The following CADPS variants were observed in gnomAD, a reference collection of about 807,000 sequenced individuals.
The protein encoded by CADPS is calcium dependent secretion activator, also known as calcium-dependent secretion activator 1.
A neutral mutation model predicts 167.3 loss-of-function variants in CADPS; 57 were observed. The observed-to-expected ratio is 0.34, with a 90% CI of 0.28 to 0.42. The LOEUF is 0.42. Among genes scored for constraint, CADPS ranks in the 20% least tolerant of loss-of-function variants. The pLI is 1.00. For synonymous variants in CADPS, 676 were observed against 635.3 expected (o/e 1.06, Z -0.96); for missense variants, 1,414 against 1,738.1 (o/e 0.81, Z 3.32).
At chr3:62,435,563 G>C (rs965594587) in intron 28 of CADPS, among the ~76,000 whole-genome samples, 9 of 152,096 alleles carry the variant, frequency 5.9e-5, no homozygotes, top group Admixed American at 5.9e-4. Flanking sequence ...ACATCAGTTA[G>C]GTTGCCTAGC....
intron 4 of CADPS, among the ~76,000 whole-genome samples, chr3:62,652,644 G>T (rs2070497885): frequency 6.6e-6 from 1 of 151,984 alleles, no homozygotes; most frequent in South Asian, 2.1e-4. Flanking sequence ...ACAAAGAAGA[G>T]AGAGAAAGAG....
chr3:62,545,537 CAA>C (rs1314386858), intron 11 of CADPS, among the ~76,000 whole-genome samples: 1 of 151,924 alleles, frequency 6.6e-6, no homozygotes, highest in East Asian at 1.9e-4. Context: ...TACAAAAGAA[CAA>C]AAAAGTTTTA....
At position 62,420,169 on chromosome 3, in the gene CADPS, T is replaced by G. The variant is rs1194455994; in HGVS notation, c.3778-16984A>C. On this transcript the variant is annotated intron_variant, in intron 28 of 29. Transcript: ENST00000383710. This position sits in a 1 kb window ranked among gnomAD's most constrained non-coding sequence, Gnocchi z 4.1. The stretch of plus-strand genomic sequence containing the variant: ...ACCACACAGCTGGTTTCCAAGCAGA[T>G]AGTGAAAGGACACAAATATACCATC... Among the ~76,000 whole-genome samples the G allele has an allele frequency of 6.6e-6, 1 of 152,134 alleles. No homozygotes were observed.
chr3:62,793,619 A>G (rs2152749545), intron 1 of CADPS, among the ~76,000 whole-genome samples: 1 of 152,252 alleles, frequency 6.6e-6, no homozygotes, highest in Non-Finnish European at 1.5e-5. Flanking sequence ...GTTATCTCAT[A>G]TTGATTAGGG....
rs535339476 is a variant in CADPS at position 62,478,203 on chromosome 3, C to T, written c.3329+58G>A. 4 of 1,579,742 alleles carry T rather than the reference C, an allele frequency of 2.5e-6. No individual in the cohort carries two copies. The highest frequency in any genetic ancestry group is 2.2e-5 in the East Asian group (1 of 44,600). ...TTGAAAGAGCAGCCATCTACCCTTC[C>T]CTGAGTCTGTGTATGGTGGGGAGGG... On this transcript the variant is annotated intron_variant, in intron 23 of 29. Coordinates refer to ENST00000383710, the MANE Select transcript of CADPS (RefSeq NM_003716.4). This position sits in a 1 kb window ranked among gnomAD's most constrained non-coding sequence, Gnocchi z 5.7.
chr3:62,426,332 G>A (rs1560216915), intron 28 of CADPS, among the ~76,000 whole-genome samples: 2 of 152,052 alleles, frequency 1.3e-5, no homozygotes, highest in African/African-American at 2.4e-5. Flanking sequence ...TGTATTTTTA[G>A]TAGAGATGAG....
At chr3:62,825,387 C>T (rs1165458255) in intron 1 of CADPS, among the ~76,000 whole-genome samples, 1 of 152,060 alleles carries the variant, frequency 6.6e-6, no homozygotes. Flanking sequence ...AATGCAGCAC[C>T]TGGGAGCTTG....
chr3:62,705,977 A>G (rs1434504717), intron 3 of CADPS, among the ~76,000 whole-genome samples: 1 of 152,062 alleles, frequency 6.6e-6, no homozygotes, highest in Non-Finnish European at 1.5e-5. Context: ...TAAAACCCAC[A>G]TGGTTAGTGA....
chr3:62,701,951 A>G (rs1157415629), intron 3 of CADPS, among the ~76,000 whole-genome samples: 2 of 152,168 alleles, frequency 1.3e-5, no homozygotes, highest in East Asian at 3.8e-4. Context: ...TAAAAGTTAA[A>G]TATCTCCACA....
chr3:62,532,746 TG>T, intron 13 of CADPS, 124 bp downstream of exon 13: 1 of 648,228 alleles, frequency 1.5e-6, no homozygotes, highest in Non-Finnish European at 2.7e-6. Flanking sequence ...TGTGTGTGTG[TG>T]TGTACGTGTG....
At chr3:62,610,891 G>C (rs981142048) in intron 6 of CADPS, among the ~76,000 whole-genome samples, 1 of 151,530 alleles carries the variant, frequency 6.6e-6, no homozygotes, top group Non-Finnish European at 1.5e-5. Flanking sequence ...AGGGGGGTGT[G>C]GGGGGCTGAT....
chr3:62,730,840 G>C (rs766971785), intron 3 of CADPS, among the ~76,000 whole-genome samples: 5 of 152,234 alleles, frequency 3.3e-5, no homozygotes, highest in Non-Finnish European at 7.3e-5. Context: ...TGAAGGCTTG[G>C]AATGGAAGAG....
intron 3 of CADPS, among the ~76,000 whole-genome samples, chr3:62,689,348 T>C (rs536698940): frequency 6.6e-6 from 1 of 152,024 alleles, no homozygotes; most frequent in Non-Finnish European, 1.5e-5. Context: ...CAATGAACTT[T>C]AAAATTGTAA....
At chr3:62,844,525 C>T (rs2077103021) in intron 1 of CADPS, among the ~76,000 whole-genome samples, 1 of 152,182 alleles carries the variant, frequency 6.6e-6, no homozygotes, top group Non-Finnish European at 1.5e-5. Flanking sequence ...CCCCAACCCT[C>T]ATGAATGCCT....
intron 29 of CADPS, among the ~76,000 whole-genome samples, chr3:62,402,389 ATGG>A (rs1706683549): frequency 6.6e-6 from 1 of 152,180 alleles, no homozygotes; most frequent in Non-Finnish European, 1.5e-5. Context: ...AAAACCCTCT[ATGG>A]TGAAGCATCA....
At chr3:62,854,410 G>A (rs1483559369) in intron 1 of CADPS, among the ~76,000 whole-genome samples, 1 of 151,146 alleles carries the variant, frequency 6.6e-6, no homozygotes, top group East Asian at 1.9e-4. Flanking sequence ...TATAAAGAGT[G>A]TAATTTTAAG....
At chr3:62,522,001 T>G (rs1022620845) in intron 13 of CADPS, among the ~76,000 whole-genome samples, 1 of 152,174 alleles carries the variant, frequency 6.6e-6, no homozygotes, top group African/African-American at 2.4e-5. Context: ...ATTTGCTTGT[T>G]CCAGCAGCTG....
rs2083209776 is a variant in CADPS, at chr3:62,753,630, C to G, written c.699G>C (p.Val233=). 6.2e-7 allele frequency: 1 copy of G among 1,614,184 alleles called. No homozygotes were observed. Among genetic ancestry groups the G allele is most frequent in the African/African-American group, 1.3e-5 (1 of 75,054 alleles). The change falls in exon 3 of 30, where the codon GTG becomes GTC. Residue 233 remains valine, a synonymous_variant. Coordinates refer to ENST00000383710, the MANE Select transcript of CADPS (RefSeq NM_003716.4). This position sits in a 1 kb window ranked among gnomAD's most constrained non-coding sequence, Gnocchi z 4.6. Reference sequence around the variant, plus strand: ...CAAATTTGGCCATCCAGGAGCTCAGCACAGTCTCCTTGCTGAGGCCGTCAA... The same window carrying G: ...CAAATTTGGCCATCCAGGAGCTCAGGACAGTCTCCTTGCTGAGGCCGTCAA... ...PEIDGLSKET[V]LSSWMAKFDA... is the part of the protein sequence containing the mutation.
intron 26 of CADPS, among the ~76,000 whole-genome samples, chr3:62,461,521 T>A (rs2059348312): frequency 6.6e-6 from 1 of 152,100 alleles, no homozygotes; most frequent in Non-Finnish European, 1.5e-5. Flanking sequence ...TCCAGTCAAG[T>A]CTCCACCCCC....
Sources: allele counts gnomAD v4.1 joint callset (sites outside exome capture counted in the v4.1 genomes callset), GRCh38; gene constraint gnomAD v4.1.1; non-coding constraint Gnocchi (gnomAD v3.1); transcripts MANE v1.5; gene names NCBI Gene and HGNC (gene_info 2026-07-23, HGNC 2026-07-21).